The following HMGA2 variants were observed in gnomAD, a reference collection of about 807,000 sequenced individuals.
HMGA2 encodes the protein high mobility group protein HMGI-C.
A neutral mutation model predicts 19.1 loss-of-function variants in HMGA2; 8 were observed. The observed-to-expected ratio is 0.42, with a 90% CI of 0.25 to 0.76. HMGA2 has a LOEUF of 0.76. Among genes scored for constraint, HMGA2 ranks in the 30% least tolerant of loss-of-function variants. HMGA2 has a pLI of 0.28. For synonymous variants in HMGA2, 60 were observed against 48.8 expected (o/e 1.23, Z -0.96); for missense variants, 109 against 136.3 (o/e 0.80, Z 1.00).
intron 3 of HMGA2, among the ~76,000 whole-genome samples, chr12:65,861,236 C>A (rs1178240430): frequency 6.6e-6 from 1 of 152,096 alleles, no homozygotes; most frequent in Non-Finnish European, 1.5e-5. Flanking sequence ...CATGGTGACA[C>A]ATGCCTGTGG....
intron 3 of HMGA2, among the ~76,000 whole-genome samples, chr12:65,869,493 G>A (rs1872598759): frequency 6.6e-6 from 1 of 152,126 alleles, no homozygotes; most frequent in Admixed American, 6.5e-5. Context: ...TGTCAGTGGG[G>A]TCAATTCTTA....
At chr12:65,961,659 T>G (rs1876754475) in intron 4 of HMGA2, among the ~76,000 whole-genome samples, 1 of 152,174 alleles carries the variant, frequency 6.6e-6, no homozygotes, top group Admixed American at 6.5e-5. Context: ...CGCTCAGTCT[T>G]CGGGGGGAAA....
In HMGA2 at chr12:65,965,691, T is replaced by C. The variant is rs991070449; in HGVS notation, c.*2399T>C. ...TTGGATGGGCCTTTTAGAAACCTCA[T>C]TGGCCAGCTCATAAAATGGAAGCAA... On this transcript the variant is annotated 3_prime_UTR_variant, in exon 5 of 5. Transcript: ENST00000403681. 8 of 223,188 alleles carry C rather than the reference T, an allele frequency of 3.6e-5. No homozygotes were observed. The highest frequency in any genetic ancestry group is 7.2e-5 in the Non-Finnish European group (8 of 111,350). 13.8% of individuals were successfully genotyped at this position (223,188 alleles called of 1,614,324 possible).
chr12:65,841,935 T>A (rs1415381355), intron 3 of HMGA2, among the ~76,000 whole-genome samples: 2 of 152,114 alleles, frequency 1.3e-5, no homozygotes, highest in Admixed American at 1.3e-4. Flanking sequence ...ATCTAACGAG[T>A]GTGTTAACTA....
At chr12:65,903,998 A>G (rs1368481229) in intron 3 of HMGA2, among the ~76,000 whole-genome samples, 1 of 152,270 alleles carries the variant, frequency 6.6e-6, no homozygotes, top group African/African-American at 2.4e-5. Flanking sequence ...ATTTGTCAGT[A>G]TATAGTAGTA....
rs1198694786 is a variant in HMGA2, at chr12:65,825,419, C to A, written c.111+38C>A. The A allele has an allele frequency of 1.8e-5, 26 of 1,420,422 alleles. No homozygotes were observed. Among genetic ancestry groups the A allele is most frequent in the Middle Eastern group, 2.3e-4 (1 of 4,276 alleles). The allele number at this position is 1,420,422 out of a possible 1,614,324, so 88.0% of individuals were successfully genotyped here. A position where few individuals can be genotyped will look rare whatever the true frequency, so the allele number is the denominator to read the frequency against. On this transcript the variant is annotated intron_variant, in intron 1 of 4. Transcript: ENST00000403681. This position sits in a 1 kb window ranked among gnomAD's most constrained non-coding sequence, Gnocchi z 4.4. ...GCGCGGTGGGGGCACCAGCCCACCC[C>A]GTCCCCACTGCCGGGGCCCAGACAC...
chr12:65,917,817 C>T (rs1875164253), intron 3 of HMGA2, among the ~76,000 whole-genome samples: 1 of 152,150 alleles, frequency 6.6e-6, no homozygotes, highest in African/African-American at 2.4e-5. Flanking sequence ...TGTGATGAAA[C>T]TTTAAGTTTC....
rs569070480 is a variant in HMGA2 at position 65,861,524 on chromosome 12, T to A, written c.249+22955T>A. 3.9e-5 allele frequency among the ~76,000 whole-genome samples: 6 copies of A among 152,160 alleles called. No individual in the cohort carries two copies. In the East Asian group the frequency reaches 1.2e-3, roughly 29 times the overall value. On this transcript the variant is annotated intron_variant, in intron 3 of 4. Transcript: ENST00000403681. ...ATCATTTTATATATGTGGGTCACTA[T>A]GGAACACTGCGTTCAGAAAATAAAT...
chr12:65,943,064 T>C (rs1375765336), intron 3 of HMGA2, among the ~76,000 whole-genome samples: 2 of 152,144 alleles, frequency 1.3e-5, no homozygotes, highest in African/African-American at 2.4e-5. Flanking sequence ...AAGAAAACAT[T>C]GTAGGAAAAA....
intron 2 of HMGA2, chr12:65,830,857 C>T (rs1870445847): frequency 6.6e-6 from 1 of 151,792 alleles, no homozygotes; most frequent in East Asian, 1.9e-4. Context: ...ACACAATTTC[C>T]TATGCTTGGA....
chr12:65,864,137 T>C (rs1230671053), intron 3 of HMGA2, among the ~76,000 whole-genome samples: 1 of 152,176 alleles, frequency 6.6e-6, no homozygotes, highest in East Asian at 1.9e-4. Context: ...AGGGATCCTT[T>C]ATATCTGAGG....
chr12:65,827,973 A>G (rs769251190), intron 1 of HMGA2, 28 bp from the exon 2 acceptor site: 2 of 1,497,264 alleles, frequency 1.3e-6, no homozygotes, highest in East Asian at 2.3e-5. Context: ...TCTTGCCACA[A>G]CAGCATTTTT....
chr12:65,939,725 T>C (rs75338947), intron 3 of HMGA2, among the ~76,000 whole-genome samples: 3,103 of 152,266 alleles, frequency 0.02, 120 homozygotes, highest in African/African-American at 0.07. Flanking sequence ...TAAAAAATAA[T>C]GTCATGGATG....
chr12:65,862,016 C>T (rs1280676136), intron 3 of HMGA2, among the ~76,000 whole-genome samples: 1 of 151,772 alleles, frequency 6.6e-6, no homozygotes, highest in African/African-American at 2.4e-5. Context: ...GGCTAATTTT[C>T]GTTTATTTAG....
chr12:65,946,176 C>T (rs1353627685), intron 3 of HMGA2, among the ~76,000 whole-genome samples: 2 of 152,088 alleles, frequency 1.3e-5, no homozygotes, highest in East Asian at 3.8e-4. Context: ...GCTAGAAGAT[C>T]TGTCTTATAC....
chr12:65,929,323 T>C (rs1213059186), intron 3 of HMGA2, among the ~76,000 whole-genome samples: 1 of 152,110 alleles, frequency 6.6e-6, no homozygotes, highest in Non-Finnish European at 1.5e-5. Context: ...GCATTATGAC[T>C]ATAAAATGTA....
At chr12:65,839,888 C>T (rs985680336) in intron 3 of HMGA2, among the ~76,000 whole-genome samples, 1 of 152,152 alleles carries the variant, frequency 6.6e-6, no homozygotes, top group Non-Finnish European at 1.5e-5. Context: ...CTGTAACTTC[C>T]GTCCACTGTC....
chr12:65,826,923 T>C (rs1424722609), intron 1 of HMGA2: 1 of 152,212 alleles, frequency 6.6e-6, no homozygotes, highest in Non-Finnish European at 1.5e-5. Flanking sequence ...CTGGTGCTAG[T>C]GGTCCCACAG....
chr12:65,929,633 A>T (rs1167740897), intron 3 of HMGA2, among the ~76,000 whole-genome samples: 2 of 152,082 alleles, frequency 1.3e-5, no homozygotes, highest in East Asian at 1.9e-4. Flanking sequence ...CTATAAAGAG[A>T]TGTATATTTA....
Sources: allele counts gnomAD v4.1 joint callset (sites outside exome capture counted in the v4.1 genomes callset), GRCh38; gene constraint gnomAD v4.1.1; non-coding constraint Gnocchi (gnomAD v3.1); transcripts MANE v1.5; gene names NCBI Gene and HGNC (gene_info 2026-07-23, HGNC 2026-07-21).